Variants in SPATA17 observed in about 807,000 individuals in gnomAD.
SPATA17 encodes spermatogenesis-associated protein 17.
SPATA17 carries 53 observed loss-of-function variants against 62.2 expected under a neutral mutation model. The observed-to-expected ratio is 0.85, with a 90% CI of 0.68 to 1.07. The LOEUF (loss-of-function observed/expected upper bound fraction) is 1.07, where lower values mean the gene tolerates loss of function less well. Ranked by LOEUF, SPATA17 falls within the 50% of genes least tolerant of loss-of-function variation. The pLI, the probability that SPATA17 is intolerant of heterozygous loss-of-function variation, is 0.00. For synonymous variants in SPATA17, 146 were observed against 146.8 expected (o/e 0.99, Z 0.04); for missense variants, 466 against 425.5 (o/e 1.10, Z -0.84).
intron 7 of SPATA17, among the ~76,000 whole-genome samples, chr1:217,777,410 T>C (rs1355909457): frequency 6.6e-6 from 1 of 152,144 alleles, no homozygotes; most frequent in Non-Finnish European, 1.5e-5. Context: ...TATATCCGTA[T>C]TCTTTTTTTG....
intron 8 of SPATA17, among the ~76,000 whole-genome samples, chr1:217,797,739 G>T (rs1458871410): frequency 6.6e-6 from 1 of 151,940 alleles, no homozygotes; most frequent in Non-Finnish European, 1.5e-5. Flanking sequence ...TTTAAACGTA[G>T]GTGTCTTTGC....
intron 5 of SPATA17, among the ~76,000 whole-genome samples, chr1:217,725,324 A>G (rs1370961069): frequency 6.6e-6 from 1 of 152,246 alleles, no homozygotes; most frequent in African/African-American, 2.4e-5. Flanking sequence ...AATCCTACAT[A>G]GTATCACATG....
chr1:217,642,684 A>G (rs1333102621), intron 1 of SPATA17, among the ~76,000 whole-genome samples: 3 of 152,152 alleles, frequency 2.0e-5, no homozygotes, highest in Non-Finnish European at 2.9e-5. Context: ...TGATGGTTTT[A>G]TAAGTGTCTG....
intron 3 of SPATA17, among the ~76,000 whole-genome samples, chr1:217,658,586 G>A (rs181581668): frequency 1.2e-3 from 179 of 152,026 alleles, no homozygotes; most frequent in African/African-American, 3.6e-3. Context: ...GTGATAGCCC[G>A]TCTCTACTAA....
intron 3 of SPATA17, among the ~76,000 whole-genome samples, chr1:217,666,256 C>G (rs945409628): frequency 1.3e-5 from 2 of 152,036 alleles, no homozygotes; most frequent in African/African-American, 2.4e-5. Context: ...TATTAACATT[C>G]CGTAGGTACA....
Position 217,631,425 on chromosome 1 carries a change from ATCAGTACTACTT to A in SPATA17, c.49_60del (p.Gln17_Phe20del). 6.2e-7 allele frequency: 1 copy of A among 1,614,134 alleles called. No individual in the cohort carries two copies. Among genetic ancestry groups the A allele is most frequent in the Admixed American group, 1.7e-5 (1 of 60,034 alleles). On this transcript the variant is annotated inframe_deletion, in exon 1 of 11. Transcript: ENST00000366933. ...CAAGCTAGGTCGTCGACTGTAGGAA[ATCAGTACTACTT>A]TAGGAACAGGTAAGTCAGGAAGAGA...
intron 9 of SPATA17, among the ~76,000 whole-genome samples, chr1:217,832,490 G>A (rs1348298470): frequency 6.6e-6 from 1 of 152,064 alleles, no homozygotes; most frequent in Non-Finnish European, 1.5e-5. Flanking sequence ...GTCAGATTGG[G>A]AGATTTTCAG....
rs1011302172 is a variant in SPATA17, at chr1:217,869,252, G to A, written c.*2233G>A. 1 of 152,292 alleles carries A rather than the reference G, an allele frequency of 6.6e-6. No individual in the cohort carries two copies. Among genetic ancestry groups the A allele is most frequent in the Non-Finnish European group, 1.5e-5 (1 of 68,164 alleles). 9.4% of individuals were successfully genotyped at this position (152,292 alleles called of 1,614,324 possible). A position where few individuals can be genotyped will look rare whatever the true frequency, so the allele number is the denominator to read the frequency against. The stretch of plus-strand genomic sequence containing the variant: ...GGGAGATGCTTCCAGGTCATAGTTG[G>A]AGTCAAAGACTTTCCAATTGGCAAT... On this transcript the variant is annotated 3_prime_UTR_variant, in exon 11 of 11. Transcript: ENST00000366933.
chr1:217,825,789 A>G (rs138374043), intron 9 of SPATA17, among the ~76,000 whole-genome samples: 19 of 152,190 alleles, frequency 1.2e-4, no homozygotes, highest in Non-Finnish European at 1.6e-4. Flanking sequence ...TACCAATCAC[A>G]TAAGTATGAA....
chr1:217,786,799 T>TTCTTCTTCTTCTTCTTCC (rs1673882064), intron 8 of SPATA17, among the ~76,000 whole-genome samples: 1 of 148,990 alleles, frequency 6.7e-6, no homozygotes, highest in Admixed American at 6.7e-5. Flanking sequence ...CTTCTTCTTC[T>TTCTTCTTCTTCTTCTTCC]TCTTCTTCTT....
intron 9 of SPATA17, among the ~76,000 whole-genome samples, chr1:217,811,924 A>C (rs559332219): frequency 4.9e-4 from 75 of 152,234 alleles, no homozygotes; most frequent in African/African-American, 1.7e-3. Context: ...TTTAGGCTTC[A>C]ATTTATTAAT....
chr1:217,777,521 C>A lies in SPATA17; in HGVS notation c.723+2984C>A, dbSNP rs891283725. ...GGTTCAAGCGATTCTCCTGCCTCAG[C>A]CTCCCAAGTAGCTGGTATTACAGGC... On this transcript the variant is annotated intron_variant, in intron 7 of 10. Transcript: ENST00000366933. Among the ~76,000 whole-genome samples, 8 of 152,098 alleles carry A rather than the reference C, an allele frequency of 5.3e-5. No homozygotes were observed. In the East Asian group the frequency reaches 5.8e-4, roughly 11 times the overall value.
intron 9 of SPATA17, among the ~76,000 whole-genome samples, chr1:217,845,763 G>A (rs1221582129): frequency 6.6e-6 from 1 of 152,040 alleles, no homozygotes; most frequent in Admixed American, 6.6e-5. Context: ...CCATTGTAAA[G>A]CATCAAAAGA....
intron 10 of SPATA17, among the ~76,000 whole-genome samples, chr1:217,863,119 C>CTTTTTTT (rs35673625): frequency 1.3e-4 from 14 of 111,846 alleles, no homozygotes; most frequent in Non-Finnish European, 2.3e-4. Context: ...AATACTCTTT[C>CTTTTTTT]TTTTTTTTTT....
intron 10 of SPATA17, among the ~76,000 whole-genome samples, chr1:217,864,238 A>G (rs1675955902): frequency 6.6e-6 from 1 of 152,200 alleles, no homozygotes; most frequent in Non-Finnish European, 1.5e-5. Flanking sequence ...ATATTTGTGT[A>G]TGACTTCAGC....
intron 9 of SPATA17, among the ~76,000 whole-genome samples, chr1:217,805,935 A>G (rs903792191): frequency 4.6e-5 from 7 of 152,200 alleles, no homozygotes; most frequent in Admixed American, 2.6e-4. Context: ...GTGGGAAAAC[A>G]AACAAGAACT....
Position 217,704,970 on chromosome 1 carries a change from A to G in SPATA17, c.395+21609A>G, listed in dbSNP as rs553195520. 3.6e-4 allele frequency among the ~76,000 whole-genome samples: 55 copies of G among 152,286 alleles called. No homozygotes were observed. The South Asian group carries it at 7.0e-3, about 20-fold the overall frequency. On this transcript the variant is annotated intron_variant, in intron 5 of 10. Transcript: ENST00000366933. ...GTAATTCTGCTTTGAGTTATTTGAG[A>G]AATCACCAAACAGATTTCCAAAAAG...
chr1:217,783,580 C>T (rs186687260), intron 8 of SPATA17, among the ~76,000 whole-genome samples: 6 of 152,020 alleles, frequency 3.9e-5, no homozygotes, highest in African/African-American at 1.2e-4. Flanking sequence ...CAGACTTAGC[C>T]AAGCAAAATA....
intron 9 of SPATA17, among the ~76,000 whole-genome samples, chr1:217,840,630 G>A (rs1313887831): frequency 6.6e-6 from 1 of 151,962 alleles, no homozygotes; most frequent in African/African-American, 2.4e-5. Context: ...GGCTGAGGAG[G>A]GCAGATCGAT....
Sources: allele counts gnomAD v4.1 joint callset (sites outside exome capture counted in the v4.1 genomes callset), GRCh38; gene constraint gnomAD v4.1.1; transcripts MANE v1.5; gene names NCBI Gene and HGNC (gene_info 2026-07-23, HGNC 2026-07-21).